COL24A1: variants seen among roughly 807,000 people sequenced by gnomAD.
COL24A1 encodes collagen type XXIV alpha 1 chain, also known as collagen alpha-1(XXIV) chain.
Under a neutral mutation model 253.9 loss-of-function variants are expected in COL24A1, and 224 were observed. The observed-to-expected ratio is 0.88, with a 90% CI of 0.79 to 0.99. COL24A1 has a LOEUF of 0.99. COL24A1 is among the 50% of genes least tolerant of loss of function. The probability of loss-of-function intolerance (pLI) is 0.00; values close to 1 mark genes in which losing one functional copy is unlikely to be tolerated. For missense variants in COL24A1, 2,131 were observed against 2,068.5 expected, an observed-to-expected ratio of 1.03 and a Z score of -0.59; for synonymous variants, 685 against 673.7, an observed-to-expected ratio of 1.02 and a Z score of -0.26.
chr1:86,020,306 T>G (rs892032834), intron 18 of COL24A1, among the ~76,000 whole-genome samples: 2 of 152,044 alleles, frequency 1.3e-5, no homozygotes, highest in Non-Finnish European at 2.9e-5. Flanking sequence ...GACCTCGTGA[T>G]CCACCCACCT....
intron 24 of COL24A1, among the ~76,000 whole-genome samples, chr1:85,950,725 A>C (rs1286463311): frequency 6.6e-6 from 1 of 152,234 alleles, no homozygotes; most frequent in Non-Finnish European, 1.5e-5. Context: ...TCCAGAAGGG[A>C]AAAGACATAT....
chr1:86,111,828 A>G (rs989462176), intron 5 of COL24A1, among the ~76,000 whole-genome samples: 1 of 152,128 alleles, frequency 6.6e-6, no homozygotes, highest in African/African-American at 2.4e-5. Flanking sequence ...ACAACTCCAG[A>G]TGCGCCGCCT....
At chr1:86,096,073 TC>T (rs898178102) in intron 5 of COL24A1, among the ~76,000 whole-genome samples, 40 of 152,270 alleles carry the variant, frequency 2.6e-4, no homozygotes, top group African/African-American at 9.4e-4. Context: ...ATTTGAGATT[TC>T]TTCTCTGTAA....
At chr1:85,870,795 A>G (rs770321968) in intron 35 of COL24A1, among the ~76,000 whole-genome samples, 15 of 152,198 alleles carry the variant, frequency 9.9e-5, no homozygotes, top group Non-Finnish European at 2.2e-4. Context: ...GAACTAGAAA[A>G]GCAAGAGCAA....
At chr1:85,910,885 A>T (rs1022852997) in intron 25 of COL24A1, among the ~76,000 whole-genome samples, 15 of 151,824 alleles carry the variant, frequency 9.9e-5, no homozygotes, top group African/African-American at 3.1e-4. Flanking sequence ...GAGTCTGTGG[A>T]CTTCATAGAG....
At chr1:86,066,776 A>T (rs934748233) in intron 7 of COL24A1, among the ~76,000 whole-genome samples, 7 of 152,154 alleles carry the variant, frequency 4.6e-5, no homozygotes, top group Admixed American at 6.5e-5. Context: ...TGAATACTGG[A>T]ATCTATCAGA....
At chr1:86,048,607 C>T (rs1167942325) in intron 11 of COL24A1, among the ~76,000 whole-genome samples, 2 of 151,976 alleles carry the variant, frequency 1.3e-5, no homozygotes, top group East Asian at 1.9e-4. Flanking sequence ...TCTCCTGCCT[C>T]AGCCTCCCAA....
intron 21 of COL24A1, among the ~76,000 whole-genome samples, chr1:85,971,131 C>T (rs192722051): frequency 6.6e-6 from 1 of 152,072 alleles, no homozygotes; most frequent in Non-Finnish European, 1.5e-5. Flanking sequence ...ATTGCTGGAG[C>T]CCAGGAGGTC....
At chr1:86,054,621 T>C (rs1443611442) in intron 10 of COL24A1, among the ~76,000 whole-genome samples, 1 of 152,024 alleles carries the variant, frequency 6.6e-6, no homozygotes, top group Non-Finnish European at 1.5e-5. Flanking sequence ...GAAGAGCTAT[T>C]ATTAAAAAGT....
chr1:85,997,278 G>C (rs1694922254), intron 19 of COL24A1, among the ~76,000 whole-genome samples: 1 of 151,682 alleles, frequency 6.6e-6, no homozygotes, highest in Non-Finnish European at 1.5e-5. Flanking sequence ...AACTGTATAA[G>C]TAGCAAGAGG....
At chr1:86,117,389 C>T (rs1706251764) in intron 3 of COL24A1, among the ~76,000 whole-genome samples, 1 of 152,192 alleles carries the variant, frequency 6.6e-6, no homozygotes, top group African/African-American at 2.4e-5. Context: ...GAAACAGGCC[C>T]TGGCCAACTA....
rs558210902 is a variant in COL24A1 at position 85,991,806 on chromosome 1, A to G, written c.2311-4152T>C. 3.3e-5 allele frequency among the ~76,000 whole-genome samples: 5 copies of G among 152,292 alleles called. No homozygotes were observed. The South Asian group carries it at 8.3e-4, about 25-fold the overall frequency. On this transcript the variant is annotated intron_variant, in intron 19 of 59. Transcript: ENST00000370571. ...CATAGTATAGTCATACAAGCTGAATATTTTAAAATTGAAACTTTATTGAAA... is the reference window on the plus strand; with the variant it reads ...CATAGTATAGTCATACAAGCTGAATGTTTTAAAATTGAAACTTTATTGAAA...
chr1:86,108,620 T>TAAAAAAAAAAAAAA (rs55852463), intron 5 of COL24A1, among the ~76,000 whole-genome samples: 2 of 83,098 alleles, frequency 2.4e-5, no homozygotes, highest in African/African-American at 1.0e-4. Flanking sequence ...CCATCTCTAC[T>TAAAAAAAAAAAAAA]AAAAAAAAAA....
At chr1:85,759,338 T>A (rs577512314) in intron 55 of COL24A1, among the ~76,000 whole-genome samples, 9 of 152,212 alleles carry the variant, frequency 5.9e-5, no homozygotes, top group African/African-American at 1.9e-4. Flanking sequence ...AAGACAAACA[T>A]GAAAATAAAT....
intron 37 of COL24A1, among the ~76,000 whole-genome samples, chr1:85,867,801 G>C (rs956688304): frequency 1.3e-5 from 2 of 152,136 alleles, no homozygotes; most frequent in Admixed American, 6.5e-5. Context: ...CTGGAGTGTA[G>C]TGACACGATC....
At chr1:85,977,241 C>G (rs530254965) in intron 20 of COL24A1, among the ~76,000 whole-genome samples, 1 of 152,276 alleles carries the variant, frequency 6.6e-6, no homozygotes, top group African/African-American at 2.4e-5. Flanking sequence ...AGTTCCAAAT[C>G]TTTCCACTGA....
intron 5 of COL24A1, among the ~76,000 whole-genome samples, chr1:86,104,462 A>C (rs1267875323): frequency 6.6e-6 from 1 of 152,214 alleles, no homozygotes; most frequent in Non-Finnish European, 1.5e-5. Flanking sequence ...TGACTTTTTA[A>C]GTTCTCAGAG....
chr1:85,744,459 A>G (rs1664988142), intron 57 of COL24A1, among the ~76,000 whole-genome samples: 1 of 151,936 alleles, frequency 6.6e-6, no homozygotes, highest in Non-Finnish European at 1.5e-5. Context: ...CAAGTACAAA[A>G]TATAAGCAAA....
At chr1:85,950,102 A>G (rs1689743493) in intron 24 of COL24A1, among the ~76,000 whole-genome samples, 1 of 152,180 alleles carries the variant, frequency 6.6e-6, no homozygotes, top group African/African-American at 2.4e-5. Context: ...TCCCCTGGTT[A>G]TCCCACAAAA....
Sources: allele counts gnomAD v4.1 joint callset (sites outside exome capture counted in the v4.1 genomes callset), GRCh38; gene constraint gnomAD v4.1.1; transcripts MANE v1.5; gene names NCBI Gene and HGNC (gene_info 2026-07-23, HGNC 2026-07-21).